The following DPP10 variants were observed in gnomAD, a reference collection of about 807,000 sequenced individuals.
DPP10 encodes the protein inactive dipeptidyl peptidase 10.
In DPP10, 33 loss-of-function variants were observed where a neutral mutation model predicts 120.9. That is an observed-to-expected ratio of 0.27 (90% CI 0.21 to 0.37). The LOEUF (loss-of-function observed/expected upper bound fraction) is 0.37. Ranked by LOEUF, DPP10 falls within the 10% of genes least tolerant of loss-of-function variation. The pLI is 1.00. For synonymous variants in DPP10, 337 were observed against 326.1 expected (o/e 1.03, Z -0.36); for missense variants, 816 against 942.8 (o/e 0.87, Z 1.76).
chr2:114,991,497 G>C (rs1700751699), intron 1 of DPP10, among the ~76,000 whole-genome samples: 1 of 152,132 alleles, frequency 6.6e-6, no homozygotes, highest in Non-Finnish European at 1.5e-5. Context: ...ATAAAGACTA[G>C]AAATTTCTCC....
chr2:114,827,841 G>A (rs952918962), intron 1 of DPP10, among the ~76,000 whole-genome samples: 3 of 152,088 alleles, frequency 2.0e-5, no homozygotes, highest in Non-Finnish European at 2.9e-5. Flanking sequence ...GCCTTGCAAA[G>A]GTCAACACAC....
chr2:115,396,881 A>G lies in DPP10; in HGVS notation c.271+52969A>G, dbSNP rs538469142. On this transcript the variant is annotated intron_variant, in intron 3 of 25. Transcript: ENST00000410059. ...GGAAACTACCGAGACTCAAAAATGA[A>G]CTTGCAATGTGAAAAATCTCCTATC... Among the ~76,000 whole-genome samples the G allele has an allele frequency of 9.9e-5, 15 of 152,270 alleles. No homozygotes were observed. In the South Asian group the frequency reaches 3.1e-3, roughly 32 times the overall value.
At chr2:115,663,443 C>T in intron 5 of DPP10, among the ~76,000 whole-genome samples, 1 of 152,076 alleles carries the variant, frequency 6.6e-6, no homozygotes. Context: ...CTAGTCTTGA[C>T]TTTTTTCTGT....
At chr2:115,325,541 C>G (rs1206979106) in intron 2 of DPP10, among the ~76,000 whole-genome samples, 1 of 152,024 alleles carries the variant, frequency 6.6e-6, no homozygotes, top group Non-Finnish European at 1.5e-5. Flanking sequence ...TGTACTCTAA[C>G]AAAGTATTGA....
chr2:115,674,385 G>GTT (rs879458605), intron 5 of DPP10, among the ~76,000 whole-genome samples: 2 of 141,934 alleles, frequency 1.4e-5, no homozygotes, highest in African/African-American at 2.6e-5. Context: ...ACTTCATGAT[G>GTT]TTTTTTTTTT....
chr2:114,994,387 G>A (rs142677035), intron 1 of DPP10, among the ~76,000 whole-genome samples: 76 of 152,196 alleles, frequency 5.0e-4, no homozygotes, highest in Admixed American at 1.4e-3. Flanking sequence ...TAAAATGATC[G>A]TCATCAGGAG....
At chr2:114,976,100 AT>A (rs1281475650) in intron 1 of DPP10, among the ~76,000 whole-genome samples, 1 of 152,198 alleles carries the variant, frequency 6.6e-6, no homozygotes, top group Admixed American at 6.5e-5. Flanking sequence ...TATTATATGA[AT>A]TTTTTAAATG....
At chr2:115,150,827 T>G (rs981249034) in intron 1 of DPP10, among the ~76,000 whole-genome samples, 1 of 152,240 alleles carries the variant, frequency 6.6e-6, no homozygotes, top group Non-Finnish European at 1.5e-5. Flanking sequence ...TAAAGTCTCA[T>G]AGACAATTTT....
intron 1 of DPP10, among the ~76,000 whole-genome samples, chr2:114,579,247 C>G (rs77466260): frequency 0.058 from 8,771 of 152,246 alleles, 803 homozygotes; most frequent in African/African-American, 0.2. Flanking sequence ...ATGCGCTGGG[C>G]TTTGAGTGGG....
intron 1 of DPP10, among the ~76,000 whole-genome samples, chr2:114,761,501 T>C (rs1465614577): frequency 1.3e-5 from 2 of 152,112 alleles, no homozygotes; most frequent in East Asian, 3.9e-4. Flanking sequence ...TAGGGCAAGA[T>C]AGATGGGTTT....
intron 1 of DPP10, among the ~76,000 whole-genome samples, chr2:114,975,334 G>A (rs529590092): frequency 5.3e-5 from 8 of 152,232 alleles, no homozygotes; most frequent in South Asian, 4.1e-4. Flanking sequence ...GTGAGCCACC[G>A]TGCCTGGCTG....
intron 7 of DPP10, among the ~76,000 whole-genome samples, chr2:115,724,839 G>T (rs893234758): frequency 5.9e-5 from 9 of 152,168 alleles, no homozygotes; most frequent in African/African-American, 1.9e-4. Flanking sequence ...CATGGCAGAA[G>T]GTAAAGCAGG....
chr2:115,204,406 A>G (rs2055968692), intron 1 of DPP10, among the ~76,000 whole-genome samples: 3 of 152,310 alleles, frequency 2.0e-5, no homozygotes, highest in South Asian at 2.1e-4. Flanking sequence ...GACAAGAGCA[A>G]TAGATACTAC....
At chr2:114,944,045 A>G (rs1697172212) in intron 1 of DPP10, among the ~76,000 whole-genome samples, 1 of 152,096 alleles carries the variant, frequency 6.6e-6, no homozygotes, top group African/African-American at 2.4e-5. Context: ...ATATAATTCT[A>G]TGTTAAATAT....
At chr2:114,840,864 A>C (rs1408059775) in intron 1 of DPP10, among the ~76,000 whole-genome samples, 1 of 152,154 alleles carries the variant, frequency 6.6e-6, no homozygotes, top group Admixed American at 6.6e-5. Context: ...TTATGGTTAG[A>C]ATCTTGGGCA....
intron 1 of DPP10, among the ~76,000 whole-genome samples, chr2:115,026,714 T>A (rs2105214281): frequency 6.6e-6 from 1 of 152,176 alleles, no homozygotes; most frequent in African/African-American, 2.4e-5. Context: ...TTTTTGTAAT[T>A]TTAGTAGAGT....
chr2:115,091,078 T>A lies in DPP10; in HGVS notation c.61-218161T>A, dbSNP rs1337361151. ...GGTGGGATTGTGACTCACAACAATG[T>A]TCTGTGATATAAAGAGATGGCCATT... On this transcript the variant is annotated intron_variant, in intron 1 of 25. Coordinates refer to ENST00000410059, the MANE Select transcript of DPP10 (RefSeq NM_020868.6). Among the ~76,000 whole-genome samples the A allele has an allele frequency of 2.0e-5, 3 of 152,158 alleles. No individual in the cohort carries two copies. The South Asian group carries it at 6.2e-4, about 32-fold the overall frequency.
At chr2:115,008,015 C>T (rs373842332) in intron 1 of DPP10, among the ~76,000 whole-genome samples, 1 of 150,768 alleles carries the variant, frequency 6.6e-6, no homozygotes, top group South Asian at 2.1e-4. Context: ...AGGTAATTTA[C>T]AGATTCAATG....
At chr2:115,459,215 G>A (rs1158773580) in intron 3 of DPP10, among the ~76,000 whole-genome samples, 2 of 151,638 alleles carry the variant, frequency 1.3e-5, no homozygotes, top group Non-Finnish European at 2.9e-5. Flanking sequence ...GGAGTGCAGT[G>A]GCACAATGTG....
Sources: gnomAD v4.1 joint callset for allele counts (sites outside exome capture counted in the v4.1 genomes callset) on GRCh38, gnomAD v4.1.1 for gene constraint, MANE v1.5 for transcripts, NCBI Gene and HGNC (gene_info 2026-07-23, HGNC 2026-07-21) for gene names.